CACNA1A: variants seen among roughly 807,000 people sequenced by gnomAD.
CACNA1A encodes the protein calcium voltage-gated channel subunit alpha1 A, also known as voltage-dependent P/Q-type calcium channel subunit alpha-1A.
In CACNA1A, 57 loss-of-function variants were observed where a neutral mutation model predicts 262.4. The observed-to-expected ratio is 0.22, with a 90% CI of 0.18 to 0.27. The LOEUF (loss-of-function observed/expected upper bound fraction) is 0.27, where lower values mean the gene tolerates loss of function less well. CACNA1A is among the 10% of genes least tolerant of loss of function. The pLI, the probability that CACNA1A is intolerant of heterozygous loss-of-function variation, is 1.00. For synonymous variants in CACNA1A, 1,431 were observed against 1,419.3 expected, an observed-to-expected ratio of 1.01 and a Z score of -0.18; for missense variants, 2,526 against 3,562.8, an observed-to-expected ratio of 0.71 and a Z score of 7.41.
At chr19:13,254,055 G>A (rs2144730782) in intron 29 of CACNA1A, among the ~76,000 whole-genome samples, 1 of 152,244 alleles carries the variant, frequency 6.6e-6, no homozygotes, top group South Asian at 2.1e-4. Flanking sequence ...GATCGTTTTT[G>A]AAGTGCCGAG....
chr19:13,462,534 C>T (rs963518713), intron 1 of CACNA1A, among the ~76,000 whole-genome samples: 5 of 152,246 alleles, frequency 3.3e-5, no homozygotes, highest in African/African-American at 9.6e-5. Flanking sequence ...ACCATAATTA[C>T]AGCTGCCTTG....
chr19:13,282,651 G>A (rs1350462366), intron 22 of CACNA1A, among the ~76,000 whole-genome samples: 2 of 151,710 alleles, frequency 1.3e-5, no homozygotes, highest in Admixed American at 6.6e-5. Flanking sequence ...ATTCCCCTGA[G>A]CCTCAGTTTT....
chr19:13,330,188 T>A (rs2058442716), intron 10 of CACNA1A, 56 bp downstream of exon 10: 1 of 1,302,950 alleles, frequency 7.7e-7, no homozygotes, highest in East Asian at 2.5e-5. Flanking sequence ...CACCCCACCA[T>A]GTCTCTTGGG....
intron 10 of CACNA1A, among the ~76,000 whole-genome samples, chr19:13,318,058 G>A (rs2058162831): frequency 6.6e-6 from 1 of 152,212 alleles, no homozygotes; most frequent in African/African-American, 2.4e-5. Context: ...TGGAATGGGA[G>A]GACTGTATGA....
At chr19:13,245,457 G>A in intron 30 of CACNA1A, 192 bp from the exon 31 acceptor site, 2 of 589,446 alleles carry the variant, frequency 3.4e-6, no homozygotes, top group South Asian at 3.9e-5. Context: ...GGGAACTCCT[G>A]GGGGCCTTCC....
chr19:13,435,150 G>T (rs920774518), intron 3 of CACNA1A, among the ~76,000 whole-genome samples: 3 of 151,208 alleles, frequency 2.0e-5, no homozygotes, highest in Non-Finnish European at 4.4e-5. Context: ...GTCTCACTCT[G>T]TCTCCCAGGC....
intron 10 of CACNA1A, among the ~76,000 whole-genome samples, chr19:13,319,346 A>G (rs2058198545): frequency 6.6e-6 from 1 of 152,132 alleles, no homozygotes; most frequent in South Asian, 2.1e-4. Flanking sequence ...ATTCATTAGC[A>G]CATTCATCAT....
At chr19:13,288,471 A>G (rs1190501657) in intron 19 of CACNA1A, among the ~76,000 whole-genome samples, 2 of 151,972 alleles carry the variant, frequency 1.3e-5, no homozygotes, top group African/African-American at 2.4e-5. Context: ...CTCGTGGCCT[A>G]CAGTGATCCA....
In CACNA1A at chr19:13,277,162, A is replaced by G. The variant is rs759615065; in HGVS notation, c.3823-34T>C. 4 of 1,514,314 alleles carry G rather than the reference A, an allele frequency of 2.6e-6. No homozygotes were observed. In the Admixed American group the frequency reaches 5.1e-5, roughly 19 times the overall value. 93.8% of individuals were successfully genotyped at this position (1,514,314 alleles called of 1,614,324 possible). On this transcript the variant is annotated intron_variant, in intron 22 of 46. Coordinates refer to ENST00000360228, the MANE Select transcript of CACNA1A (RefSeq NM_001127222.2). ...GATAAAAGCAAGAGAGCAGTGGATC[A>G]CTGGCCTGTTCCAGCAGAGCCCCGG... is the stretch of plus-strand genomic sequence containing the variant.
intron 38 of CACNA1A, among the ~76,000 whole-genome samples, chr19:13,217,430 G>A (rs913403027): frequency 3.9e-5 from 6 of 152,278 alleles, no homozygotes; most frequent in East Asian, 1.9e-4. Flanking sequence ...AAAAGAAAGC[G>A]CGTTATGTTC....
chr19:13,467,115 A>C (rs1180370069), intron 1 of CACNA1A, among the ~76,000 whole-genome samples: 1 of 152,120 alleles, frequency 6.6e-6, no homozygotes, highest in Non-Finnish European at 1.5e-5. Flanking sequence ...AGAGTAACCC[A>C]GGAGGGGAAG....
At chr19:13,365,886 C>G (rs367749581) in intron 4 of CACNA1A, 1 of 154,654 alleles carries the variant, frequency 6.5e-6, no homozygotes, top group African/African-American at 2.4e-5. Context: ...CCCAGGCTGG[C>G]CTGAAACCCC....
intron 38 of CACNA1A, among the ~76,000 whole-genome samples, chr19:13,216,677 A>G (rs1464068494): frequency 7.2e-6 from 1 of 139,564 alleles, no homozygotes; most frequent in South Asian, 2.3e-4. Flanking sequence ...CTATCTATCT[A>G]TCTATCTATC....
chr19:13,452,666 G>A, intron 3 of CACNA1A: 1 of 476,550 alleles, frequency 2.1e-6, no homozygotes, highest in Non-Finnish European at 3.7e-6. Context: ...ACAATAATGA[G>A]CTATTATTTT....
At chr19:13,475,319 G>A (rs1363279800) in intron 1 of CACNA1A, among the ~76,000 whole-genome samples, 5 of 152,190 alleles carry the variant, frequency 3.3e-5, no homozygotes, top group African/African-American at 1.2e-4. Context: ...GCTATGAAGT[G>A]GGATGGGGAC....
rs977974 is a variant in CACNA1A at position 13,302,721 on chromosome 19, A to G, written c.2172+825T>C. Among the ~76,000 whole-genome samples, 1,429 of 152,306 alleles carry G rather than the reference A, an allele frequency of 9.4e-3. 14 individuals are homozygous for G. The highest frequency in any genetic ancestry group is 0.041 in the Middle Eastern group (12 of 294). ...CGGCTCAGCCATGCCAGCCAGCTCC[A>G]CAGTGGCCAGGCTTGTGGCCGTGTG... On this transcript the variant is annotated intron_variant, in intron 17 of 46. Coordinates refer to ENST00000360228, the MANE Select transcript of CACNA1A (RefSeq NM_001127222.2).
intron 3 of CACNA1A, chr19:13,450,355 G>C (rs2060894068): frequency 6.6e-6 from 1 of 152,022 alleles, no homozygotes; most frequent in African/African-American, 2.4e-5. Flanking sequence ...TCTCCTCATG[G>C]CTCACTCACT....
chr19:13,348,074 C>T (rs2058826570), intron 6 of CACNA1A, among the ~76,000 whole-genome samples: 1 of 151,986 alleles, frequency 6.6e-6, no homozygotes, highest in Admixed American at 6.6e-5. Flanking sequence ...GTACACACCA[C>T]CATGCCCAGC....
intron 3 of CACNA1A, among the ~76,000 whole-genome samples, chr19:13,428,558 G>T (rs1259405442): frequency 2.0e-5 from 3 of 152,154 alleles, no homozygotes; most frequent in Non-Finnish European, 4.4e-5. Flanking sequence ...CCCCTAGTGG[G>T]CATATTACAC....
Sources: allele counts gnomAD v4.1 joint callset (sites outside exome capture counted in the v4.1 genomes callset), GRCh38; gene constraint gnomAD v4.1.1; transcripts MANE v1.5; gene names NCBI Gene and HGNC (gene_info 2026-07-23, HGNC 2026-07-21).